The following CLSTN2 variants were observed in gnomAD, a reference collection of about 807,000 sequenced individuals.
CLSTN2 encodes the protein calsyntenin-2.
CLSTN2 carries 48 observed loss-of-function variants against 101.2 expected under a neutral mutation model. That is an observed-to-expected ratio of 0.47 (90% CI 0.38 to 0.60). CLSTN2 has a LOEUF of 0.60. CLSTN2 is among the 20% of genes least tolerant of loss of function. The probability of loss-of-function intolerance (pLI) is 0.00; values close to 1 mark genes in which losing one functional copy is unlikely to be tolerated. For synonymous variants in CLSTN2, 481 were observed against 463.6 expected (o/e 1.04, Z -0.48); for missense variants, 1,160 against 1,238.2 (o/e 0.94, Z 0.95).
At chr3:140,495,436 T>C (rs1331956588) in intron 8 of CLSTN2, among the ~76,000 whole-genome samples, 1 of 152,232 alleles carries the variant, frequency 6.6e-6, no homozygotes, top group Non-Finnish European at 1.5e-5. Context: ...GATGATAGCT[T>C]CTTTTACTGT....
intron 8 of CLSTN2, among the ~76,000 whole-genome samples, chr3:140,528,586 A>C (rs577939370): frequency 6.6e-6 from 1 of 152,098 alleles, no homozygotes; most frequent in South Asian, 2.1e-4. Flanking sequence ...GGAGTTAACG[A>C]ATGAGTGAAT....
chr3:140,408,420 A>AT (rs1559861178), intron 4 of CLSTN2, among the ~76,000 whole-genome samples: 40 of 152,156 alleles, frequency 2.6e-4, no homozygotes, highest in African/African-American at 9.7e-4. Context: ...CAGGTTCCCT[A>AT]GTGACTGCTC....
intron 2 of CLSTN2, among the ~76,000 whole-genome samples, chr3:140,350,663 G>A (rs925465024): frequency 6.6e-6 from 1 of 152,144 alleles, no homozygotes; most frequent in Admixed American, 6.5e-5. Flanking sequence ...TTGATAAAAT[G>A]CTTCTAAGTT....
chr3:140,328,985 T>A (rs986214832), intron 2 of CLSTN2, among the ~76,000 whole-genome samples: 12 of 152,206 alleles, frequency 7.9e-5, no homozygotes, highest in African/African-American at 2.9e-4. Flanking sequence ...AATTGTAGTC[T>A]TGGTTTCTCT....
chr3:140,526,595 CAAAA>C (rs56965995), intron 8 of CLSTN2, among the ~76,000 whole-genome samples: 2 of 98,958 alleles, frequency 2.0e-5, no homozygotes, highest in East Asian at 4.9e-4. Flanking sequence ...AACAAACAAA[CAAAA>C]AAAAAAAACA....
intron 1 of CLSTN2, among the ~76,000 whole-genome samples, chr3:140,097,659 G>A (rs1448848500): frequency 3.3e-5 from 5 of 152,162 alleles, no homozygotes; most frequent in South Asian, 2.1e-4. Context: ...GAGAGCCCAC[G>A]TATTACCTCC....
In CLSTN2 at chr3:140,522,556, A is replaced by G. The variant is rs187026268; in HGVS notation, c.1345-9768A>G. Among the ~76,000 whole-genome samples the G allele has an allele frequency of 8.5e-5, 13 of 152,344 alleles. No individual in the cohort carries two copies. The East Asian group carries it at 1.7e-3, about 20-fold the overall frequency. Reference sequence around the variant, plus strand: ...ACTGAACACACAATAAGGCTGTTGGAGTAAAGAATGGCTTTCTAGAATGCA... The same window carrying G: ...ACTGAACACACAATAAGGCTGTTGGGGTAAAGAATGGCTTTCTAGAATGCA... On this transcript the variant is annotated intron_variant, in intron 8 of 16. Coordinates refer to ENST00000458420, the MANE Select transcript of CLSTN2 (RefSeq NM_022131.3).
chr3:139,950,609 G>C (rs376395033), intron 1 of CLSTN2, among the ~76,000 whole-genome samples: 1 of 152,146 alleles, frequency 6.6e-6, no homozygotes, highest in Non-Finnish European at 1.5e-5. Context: ...ACTTTCAACC[G>C]TATCAGAACC....
intron 1 of CLSTN2, among the ~76,000 whole-genome samples, chr3:139,971,528 T>G (rs1483938615): frequency 6.6e-6 from 1 of 152,220 alleles, no homozygotes; most frequent in East Asian, 1.9e-4. Context: ...ATTGCAGACT[T>G]CCTGGAGGAG....
At chr3:140,062,417 C>T (rs907733681) in intron 1 of CLSTN2, among the ~76,000 whole-genome samples, 11 of 152,130 alleles carry the variant, frequency 7.2e-5, no homozygotes, top group African/African-American at 2.7e-4. Flanking sequence ...GAAGTATACA[C>T]GTGTGTGATG....
chr3:140,513,262 A>G (rs1406567050), intron 8 of CLSTN2, among the ~76,000 whole-genome samples: 1 of 152,154 alleles, frequency 6.6e-6, no homozygotes, highest in African/African-American at 2.4e-5. Flanking sequence ...GATGGCTCTT[A>G]GTATTTTTAG....
intron 10 of CLSTN2, among the ~76,000 whole-genome samples, chr3:140,552,589 CAG>C (rs1323848611): frequency 6.6e-6 from 1 of 152,090 alleles, no homozygotes; most frequent in Non-Finnish European, 1.5e-5. Context: ...CAGGTGGCTG[CAG>C]AGAGATTGTG....
In CLSTN2 at chr3:140,566,616, G is replaced by C. The variant is rs559548994; in HGVS notation, c.*363G>C. The C allele has an allele frequency of 1.0e-5, 3 of 296,094 alleles. No individual in the cohort carries two copies. The South Asian group carries it at 1.4e-4, about 13-fold the overall frequency. 18.3% of individuals were successfully genotyped at this position (296,094 alleles called of 1,614,324 possible). ...ACCTCCCCAGGCTCAGAGTCCCCAA[G>C]GCCCTGGGGTTCCAACTCACTGTGC... On this transcript the variant is annotated 3_prime_UTR_variant, in exon 17 of 17. Transcript: ENST00000458420.
chr3:139,990,969 TA>T (rs1448171589), intron 1 of CLSTN2, among the ~76,000 whole-genome samples: 1 of 152,214 alleles, frequency 6.6e-6, no homozygotes, highest in Non-Finnish European at 1.5e-5. Context: ...ATTTTATTTT[TA>T]AAATAAAATT....
In CLSTN2 at chr3:139,942,101, T is replaced by A. The variant is rs991366845; in HGVS notation, c.109+6618T>A. On this transcript the variant is annotated intron_variant, in intron 1 of 16. Transcript: ENST00000458420. Reference sequence around the variant, plus strand: ...TACCTATTCAGAATGATGTGATGTCTGCTTGAGGAAGGCTCTGAGTGAGGT... The same window carrying A: ...TACCTATTCAGAATGATGTGATGTCAGCTTGAGGAAGGCTCTGAGTGAGGT... Among the ~76,000 whole-genome samples the A allele has an allele frequency of 2.6e-5, 4 of 152,208 alleles. No individual in the cohort carries two copies. In the South Asian group the frequency reaches 6.2e-4, roughly 24 times the overall value.
At chr3:140,535,564 G>C (rs999992445) in intron 9 of CLSTN2, among the ~76,000 whole-genome samples, 2 of 152,232 alleles carry the variant, frequency 1.3e-5, no homozygotes, top group Admixed American at 6.5e-5. Flanking sequence ...CGCTAGGACT[G>C]ATCTCCCTTA....
chr3:140,078,988 G>T (rs1346226019), intron 1 of CLSTN2, among the ~76,000 whole-genome samples: 1 of 152,156 alleles, frequency 6.6e-6, no homozygotes, highest in Non-Finnish European at 1.5e-5. Flanking sequence ...GGGGAATAAG[G>T]TGTGGTTTTT....
intron 2 of CLSTN2, among the ~76,000 whole-genome samples, chr3:140,226,478 G>T (rs1417168014): frequency 3.9e-5 from 6 of 152,156 alleles, no homozygotes; most frequent in Non-Finnish European, 7.3e-5. Flanking sequence ...TGGAAAATAA[G>T]GTGGATCGAC....
At chr3:140,083,138 CTTCTGTT>C (rs1424704333) in intron 1 of CLSTN2, among the ~76,000 whole-genome samples, 2 of 152,084 alleles carry the variant, frequency 1.3e-5, no homozygotes, top group Non-Finnish European at 2.9e-5. Flanking sequence ...TTCTTGTATT[CTTCTGTT>C]ATAGCATTTA....
Sources: allele counts gnomAD v4.1 joint callset (sites outside exome capture counted in the v4.1 genomes callset), GRCh38; gene constraint gnomAD v4.1.1; transcripts MANE v1.5; gene names NCBI Gene and HGNC (gene_info 2026-07-23, HGNC 2026-07-21).